Variants in XPO1 observed in about 807,000 individuals in gnomAD.
The protein encoded by XPO1 is exportin-1.
XPO1 carries 5 observed loss-of-function variants against 133.3 expected under a neutral mutation model. That is an observed-to-expected ratio of 0.04 (90% CI 0.02 to 0.08). XPO1 has a LOEUF of 0.08. XPO1 is among the 10% of genes least tolerant of loss of function. The pLI, the probability that XPO1 is intolerant of heterozygous loss-of-function variation, is 1.00. For synonymous variants in XPO1, 419 were observed against 408.2 expected, an observed-to-expected ratio of 1.03 and a Z score of -0.32; for missense variants, 506 against 1,267.5, an observed-to-expected ratio of 0.40 and a Z score of 9.12.
Position 61,478,714 on chromosome 2 carries a change from T to G in XPO1, c.*106A>C. ...ACACATAAGAAAAAGGGCCACTAGG[T>G]GACATTTTAATTTACAAATTGGCAT... On this transcript the variant is annotated 3_prime_UTR_variant, in exon 25 of 25. Transcript: ENST00000401558. The G allele has an allele frequency of 8.3e-7, 1 of 1,204,270 alleles. No homozygotes were observed. The highest frequency in any genetic ancestry group is 1.1e-6 in the Non-Finnish European group (1 of 883,602). The allele number at this position is 1,204,270 out of a possible 1,614,324, so 74.6% of individuals were successfully genotyped here.
chr2:61,502,655 A>C, intron 4 of XPO1: 1 of 200,132 alleles, frequency 5.0e-6, no homozygotes, highest in Non-Finnish European at 1.0e-5. Context: ...CGGGAGGCTG[A>C]GGCAGGGGAA....
At chr2:61,528,424 G>A (rs1383725540) in intron 2 of XPO1, among the ~76,000 whole-genome samples, 2 of 152,012 alleles carry the variant, frequency 1.3e-5, no homozygotes, top group Non-Finnish European at 2.9e-5. Context: ...CACAAGGTCA[G>A]GAGTTCAAGA....
chr2:61,527,931 C>CTT, intron 2 of XPO1, among the ~76,000 whole-genome samples: 1 of 144,380 alleles, frequency 6.9e-6, no homozygotes, highest in African/African-American at 2.5e-5. Context: ...TTTTTTCTCT[C>CTT]TTTTTTTTTT....
At chr2:61,522,508 C>A in intron 4 of XPO1, 103 bp downstream of exon 4, 1 of 1,051,040 alleles carries the variant, frequency 9.5e-7, no homozygotes, top group Non-Finnish European at 1.4e-6. Flanking sequence ...TCCATTAGAG[C>A]AAAATATACT....
chr2:61,490,878 G>C, intron 16 of XPO1, 102 bp from the exon 17 acceptor site: 3 of 1,400,702 alleles, frequency 2.1e-6, no homozygotes, highest in Non-Finnish European at 2.9e-6. Flanking sequence ...TTTTGGCCCA[G>C]GTGCAGTGGA....
At chr2:61,536,943 T>C (rs773503533) in intron 1 of XPO1, 1 of 152,218 alleles carries the variant, frequency 6.6e-6, no homozygotes, top group Non-Finnish European at 1.5e-5. Flanking sequence ...AACCAACTTA[T>C]CACATTCAAA....
chr2:61,505,455 G>A (rs752724855), intron 4 of XPO1, among the ~76,000 whole-genome samples: 2 of 147,846 alleles, frequency 1.4e-5, no homozygotes, highest in African/African-American at 2.5e-5. Context: ...GCAGTGGTGT[G>A]ATCTAGGCTC....
At chr2:61,514,341 C>T (rs946330068) in intron 4 of XPO1, among the ~76,000 whole-genome samples, 25 of 151,758 alleles carry the variant, frequency 1.6e-4, no homozygotes, top group African/African-American at 6.0e-4. Flanking sequence ...GCCTGTAATC[C>T]CAGCACTTTG....
At chr2:61,528,771 A>AT (rs1699028572) in intron 2 of XPO1, among the ~76,000 whole-genome samples, 1 of 84,762 alleles carries the variant, frequency 1.2e-5, no homozygotes, top group Non-Finnish European at 2.4e-5. Flanking sequence ...ATATATATAT[A>AT]TATATATATA....
chr2:61,498,309 C>T (rs772130348), intron 9 of XPO1, among the ~76,000 whole-genome samples: 1 of 152,160 alleles, frequency 6.6e-6, no homozygotes. Flanking sequence ...CCAGGCTAAA[C>T]CATTATAGAA....
rs1697026646 is a variant in XPO1 at position 61,492,012 on chromosome 2, CAT to C, written c.1887+21_1887+22del. 5.0e-6 allele frequency: 8 copies of C among 1,612,090 alleles called. No homozygotes were observed. Among genetic ancestry groups the C allele is most frequent in the Non-Finnish European group, 6.8e-6 (8 of 1,178,932 alleles). ...TACAAGTGTTACTTTCTAAAAATAA[CAT>C]ATGCTCAGTGCTTAACATACCTGTT... is the stretch of plus-strand genomic sequence containing the variant. On this transcript the variant is annotated intron_variant, in intron 16 of 24. Coordinates refer to ENST00000401558, the MANE Select transcript of XPO1 (RefSeq NM_003400.4). This position sits in a 1 kb window ranked among gnomAD's most constrained non-coding sequence, Gnocchi z 5.6.
chr2:61,488,485 G>C (rs1696802429), intron 18 of XPO1, 103 bp downstream of exon 18: 1 of 1,290,734 alleles, frequency 7.7e-7, no homozygotes, highest in Non-Finnish European at 1.1e-6. Flanking sequence ...GGAAATGGGA[G>C]GTCTGATTTA....
intron 12 of XPO1, 68 bp downstream of exon 12, chr2:61,493,826 G>A: frequency 6.7e-7 from 1 of 1,493,428 alleles, no homozygotes; most frequent in Non-Finnish European, 9.3e-7. Flanking sequence ...CAGATTAGAA[G>A]TATTTGGATT....
chr2:61,482,947 A>C lies in XPO1; in HGVS notation c.2812+10T>G. 6.2e-7 allele frequency: 1 copy of C among 1,613,344 alleles called. No homozygotes were observed. The highest frequency in any genetic ancestry group is 8.5e-7 in the Non-Finnish European group (1 of 1,179,912). On this transcript the variant is annotated intron_variant, in intron 22 of 24. Transcript: ENST00000401558. ...TGGCACTTAACATTTAAATCGTATTAAATTCTTACCAGCAGTATGTGAAGT... is the reference window on the plus strand; with the variant it reads ...TGGCACTTAACATTTAAATCGTATTCAATTCTTACCAGCAGTATGTGAAGT...
intron 16 of XPO1, 46 bp from the exon 17 acceptor site, chr2:61,490,822 A>G: frequency 4.4e-6 from 7 of 1,588,050 alleles, no homozygotes; most frequent in Non-Finnish European, 6.0e-6. Context: ...ATACACCCTA[A>G]TAAGGAAAAC....
intron 4 of XPO1, among the ~76,000 whole-genome samples, chr2:61,510,059 C>T (rs1408383028): frequency 6.6e-6 from 1 of 152,062 alleles, no homozygotes; most frequent in African/African-American, 2.4e-5. Context: ...GTGGGTGGAT[C>T]ACTTGAGGCC....
chr2:61,512,986 A>G (rs1036506252), intron 4 of XPO1, among the ~76,000 whole-genome samples: 1 of 152,180 alleles, frequency 6.6e-6, no homozygotes, highest in Non-Finnish European at 1.5e-5. Context: ...GAGACAGAGC[A>G]TGACTCTGTC....
chr2:61,513,661 A>C (rs1199040962), intron 4 of XPO1, among the ~76,000 whole-genome samples: 1 of 152,124 alleles, frequency 6.6e-6, no homozygotes, highest in East Asian at 1.9e-4. Context: ...CCTTTGCATG[A>C]CAAAGATTTC....
At chr2:61,514,858 T>C (rs996091480) in intron 4 of XPO1, among the ~76,000 whole-genome samples, 2 of 151,998 alleles carry the variant, frequency 1.3e-5, no homozygotes, top group African/African-American at 4.8e-5. Context: ...ACAGATCACC[T>C]GAGGTCGGGA....
Sources: gnomAD v4.1 joint callset for allele counts (sites outside exome capture counted in the v4.1 genomes callset) on GRCh38, gnomAD v4.1.1 for gene constraint, Gnocchi (gnomAD v3.1) non-coding constraint, MANE v1.5 for transcripts, NCBI Gene and HGNC (gene_info 2026-07-23, HGNC 2026-07-21) for gene names.